Variants in PDE11A observed in about 807,000 individuals in gnomAD.
PDE11A encodes phosphodiesterase 11A, also known as dual 3',5'-cyclic-AMP and -GMP phosphodiesterase 11A.
Under a neutral mutation model 100.5 loss-of-function variants are expected in PDE11A, and 100 were observed. The ratio of observed to expected loss-of-function variants is 1.00; its 90% CI spans 0.85 to 1.18. The LOEUF is 1.18. PDE11A is among the 50% of genes most tolerant of loss of function. The pLI, the probability that PDE11A is intolerant of heterozygous loss-of-function variation, is 0.00. For missense variants in PDE11A, 1,141 were observed against 1,152.6 expected, an observed-to-expected ratio of 0.99 and a Z score of 0.15; for synonymous variants, 381 against 420.8, an observed-to-expected ratio of 0.91 and a Z score of 1.16.
intron 2 of PDE11A, among the ~76,000 whole-genome samples, chr2:177,972,989 G>A (rs2105798553): frequency 6.6e-6 from 1 of 152,288 alleles, no homozygotes; most frequent in Non-Finnish European, 1.5e-5. Context: ...AGGCAGTTTG[G>A]GAGTTCTGTG....
chr2:177,846,001 G>A lies in PDE11A; in HGVS notation c.1368-5618C>T, dbSNP rs548497203. Among the ~76,000 whole-genome samples the A allele has an allele frequency of 1.0e-3, 157 of 151,772 alleles. 2 individuals are homozygous for A. The highest frequency in any genetic ancestry group is 0.01 in the Middle Eastern group (3 of 294). On this transcript the variant is annotated intron_variant, in intron 5 of 19. Coordinates refer to ENST00000286063, the MANE Select transcript of PDE11A (RefSeq NM_016953.4). ...TCCAGCTTCGGCTCGGCATGAGAGG[G>A]AGACCGTGGAAAGAGAGGGAGGGGG...
At position 178,063,079 on chromosome 2, in the gene PDE11A, C is replaced by A. The variant is rs377528076; in HGVS notation, c.912+8447G>T. Among the ~76,000 whole-genome samples, 23 of 152,262 alleles carry A rather than the reference C, an allele frequency of 1.5e-4. 1 individual carries two copies. Among genetic ancestry groups the A allele is most frequent in the African/African-American group, 5.5e-4 (23 of 41,556 alleles). ...ATATTTTGACAACAAAACTACAAAT[C>A]ATCAACTTGGAGATTTCATATGGGG... On this transcript the variant is annotated intron_variant, in intron 1 of 19. Coordinates refer to ENST00000286063, the MANE Select transcript of PDE11A (RefSeq NM_016953.4).
intron 2 of PDE11A, among the ~76,000 whole-genome samples, chr2:178,079,371 TGTAA>T (rs1361356274): frequency 6.6e-6 from 1 of 152,004 alleles, no homozygotes; most frequent in African/African-American, 2.4e-5. Flanking sequence ...AGCTCCCACT[TGTAA>T]GTGAGAACAT....
chr2:177,703,684 C>T (rs1288923204), intron 13 of PDE11A, among the ~76,000 whole-genome samples: 1 of 152,128 alleles, frequency 6.6e-6, no homozygotes, highest in Non-Finnish European at 1.5e-5. Context: ...GTTGGGTTAA[C>T]AGACTCCACA....
At chr2:177,821,374 C>T (rs986242002) in intron 6 of PDE11A, among the ~76,000 whole-genome samples, 2 of 151,634 alleles carry the variant, frequency 1.3e-5, no homozygotes, top group Non-Finnish European at 3.0e-5. Flanking sequence ...CAGATCTATG[C>T]AACTACCACC....
chr2:177,799,235 T>C (rs544305656), intron 9 of PDE11A, among the ~76,000 whole-genome samples: 1 of 152,260 alleles, frequency 6.6e-6, no homozygotes, highest in Non-Finnish European at 1.5e-5. Context: ...TGAATCAATG[T>C]AATAGGGTAT....
At chr2:177,860,774 T>C (rs976638205) in intron 5 of PDE11A, among the ~76,000 whole-genome samples, 11 of 151,726 alleles carry the variant, frequency 7.2e-5, no homozygotes, top group African/African-American at 2.7e-4. Flanking sequence ...TAATGTAAGA[T>C]TGGATTATCA....
At chr2:177,648,574 C>T (rs181565222) in intron 19 of PDE11A, among the ~76,000 whole-genome samples, 37 of 151,180 alleles carry the variant, frequency 2.4e-4, no homozygotes, top group African/African-American at 7.8e-4. Flanking sequence ...AATTTTAAAG[C>T]TTATGTGAAA....
In PDE11A at chr2:178,031,386, CTG is replaced by C. The variant is rs548041696; in HGVS notation, c.913-16928_913-16927del. Among the ~76,000 whole-genome samples the C allele has an allele frequency of 3.0e-4, 45 of 152,196 alleles. 1 individual carries two copies. In the East Asian group the frequency reaches 5.8e-3, roughly 20 times the overall value. ...GGTAAAGGATTGTAAAGAAAGAAAA[CTG>C]TCATTATTTGCAGATGATATGATTG... On this transcript the variant is annotated intron_variant, in intron 1 of 19. Transcript: ENST00000286063.
At chr2:177,790,531 T>G (rs2082614243) in intron 9 of PDE11A, among the ~76,000 whole-genome samples, 1 of 151,866 alleles carries the variant, frequency 6.6e-6, no homozygotes, top group Non-Finnish European at 1.5e-5. Flanking sequence ...AAGCCAAAAT[T>G]GACAAATGGG....
At chr2:177,961,929 C>T (rs1425585190) in intron 2 of PDE11A, among the ~76,000 whole-genome samples, 1 of 151,700 alleles carries the variant, frequency 6.6e-6, no homozygotes, top group Non-Finnish European at 1.5e-5. Context: ...TGGTGGCATG[C>T]ACCTGTAATT....
At chr2:177,841,518 G>T (rs2083490314) in intron 5 of PDE11A, among the ~76,000 whole-genome samples, 1 of 152,156 alleles carries the variant, frequency 6.6e-6, no homozygotes, top group African/African-American at 2.4e-5. Flanking sequence ...CATCGTCTTT[G>T]TTATTATGCA....
intron 12 of PDE11A, among the ~76,000 whole-genome samples, chr2:177,716,185 G>A (rs540568020): frequency 6.6e-6 from 1 of 152,308 alleles, no homozygotes; most frequent in South Asian, 2.1e-4. Context: ...CTGGGATTCA[G>A]TTTTTCTGGC....
chr2:177,890,286 T>C (rs537899290), intron 4 of PDE11A, among the ~76,000 whole-genome samples: 1 of 152,338 alleles, frequency 6.6e-6, no homozygotes, highest in East Asian at 1.9e-4. Context: ...ATGACTTGTC[T>C]GCAACTTTCC....
chr2:177,866,297 G>A (rs1439927792), intron 5 of PDE11A, among the ~76,000 whole-genome samples: 7 of 152,164 alleles, frequency 4.6e-5, no homozygotes, highest in Admixed American at 3.9e-4. Flanking sequence ...ATGAGGGCAG[G>A]AACTGGGTCA....
chr2:177,967,859 C>T (rs925631805), intron 2 of PDE11A, among the ~76,000 whole-genome samples: 4 of 151,910 alleles, frequency 2.6e-5, no homozygotes, highest in African/African-American at 9.7e-5. Flanking sequence ...GTTATTATTG[C>T]CATATTAGAT....
chr2:177,858,893 A>G (rs1398756644), intron 5 of PDE11A, among the ~76,000 whole-genome samples: 3 of 152,192 alleles, frequency 2.0e-5, no homozygotes, highest in South Asian at 2.1e-4. Flanking sequence ...TGGCACATAT[A>G]CACCATGGAA....
At chr2:178,095,364 C>T (rs1325374314) in intron 2 of PDE11A, among the ~76,000 whole-genome samples, 1 of 152,204 alleles carries the variant, frequency 6.6e-6, no homozygotes, top group Non-Finnish European at 1.5e-5. Flanking sequence ...CTTAAAGCTC[C>T]AAAATGATCT....
In PDE11A at chr2:177,629,422, C is replaced by T. The variant is rs1281037960; in HGVS notation, c.2787G>A (p.Lys929=). The change falls in exon 20 of 20, where the codon AAG becomes AAA. Residue 929 remains lysine, a synonymous_variant. Transcript: ENST00000286063. ...SSSPASVMVA[K]EDRN is the part of the protein sequence containing the mutation. ...ACCTGGAGGTTTAGTTCCTGTCTTCCTTGGCTACCATAACACTGGCAGGGG... is the reference window on the plus strand; with the variant it reads ...ACCTGGAGGTTTAGTTCCTGTCTTCTTTGGCTACCATAACACTGGCAGGGG... The T allele has an allele frequency of 2.5e-6, 4 of 1,610,114 alleles. No homozygotes were observed. The African/African-American group carries it at 5.4e-5, about 22-fold the overall frequency.
Sources: allele counts gnomAD v4.1 joint callset (sites outside exome capture counted in the v4.1 genomes callset), GRCh38; gene constraint gnomAD v4.1.1; transcripts MANE v1.5; gene names NCBI Gene and HGNC (gene_info 2026-07-23, HGNC 2026-07-21).